STARD13: variants seen among roughly 807,000 people sequenced by gnomAD.
The protein encoded by STARD13 is StAR related lipid transfer domain containing 13.
Under a neutral mutation model 106.4 loss-of-function variants are expected in STARD13, and 62 were observed. The ratio of observed to expected loss-of-function variants is 0.58; its 90% CI spans 0.48 to 0.72. STARD13 has a LOEUF of 0.72. Among genes scored for constraint, STARD13 ranks in the 30% least tolerant of loss-of-function variants. STARD13 has a pLI of 0.00. For missense variants in STARD13, 1,387 were observed against 1,424.0 expected, an observed-to-expected ratio of 0.97 and a Z score of 0.42; for synonymous variants, 565 against 553.0, an observed-to-expected ratio of 1.02 and a Z score of -0.31.
At chr13:33,582,144 C>T in the STARD13 span, among the ~76,000 whole-genome samples, 1 of 151,874 alleles carries the variant, frequency 6.6e-6, no homozygotes, top group African/African-American at 2.4e-5. Flanking sequence ...ATGGCGTGAA[C>T]CCAGCAGGCG....
chr13:33,467,689 G>A, the STARD13 span, among the ~76,000 whole-genome samples: 11 of 152,182 alleles, frequency 7.2e-5, no homozygotes, highest in Non-Finnish European at 1.6e-4. Context: ...CATAGGATGA[G>A]AGAGCTACCA....
At chr13:33,553,620 G>A in the STARD13 span, among the ~76,000 whole-genome samples, 1 of 149,648 alleles carries the variant, frequency 6.7e-6, no homozygotes, top group Admixed American at 6.7e-5. Flanking sequence ...TCACTCTGTG[G>A]CCAGGATGGA....
intron 1 of STARD13, among the ~76,000 whole-genome samples, chr13:33,316,642 C>T (rs1893350953): frequency 6.6e-6 from 1 of 152,206 alleles, no homozygotes; most frequent in African/African-American, 2.4e-5. Context: ...GAACTCAAAG[C>T]TTGTGCTCTT....
intron 1 of STARD13, chr13:33,272,417 T>A (rs1279981922): frequency 6.6e-6 from 1 of 152,210 alleles, no homozygotes; most frequent in African/African-American, 2.4e-5. Context: ...TTGTTACTAC[T>A]TTTTAAAATG....
the STARD13 span, among the ~76,000 whole-genome samples, chr13:33,631,382 G>A: frequency 6.6e-6 from 1 of 152,196 alleles, no homozygotes; most frequent in African/African-American, 2.4e-5. Context: ...CATAAAATCA[G>A]GTAGACATTT....
At chr13:33,131,547 C>T (rs1470287159) in intron 4 of STARD13, among the ~76,000 whole-genome samples, 1 of 152,042 alleles carries the variant, frequency 6.6e-6, no homozygotes, top group Non-Finnish European at 1.5e-5. Flanking sequence ...GGCACCACTG[C>T]ACCCCAGCCG....
chr13:33,594,883 A>G, the STARD13 span, among the ~76,000 whole-genome samples: 19,265 of 152,214 alleles, frequency 0.13, 1,724 homozygotes, highest in East Asian at 0.3. Context: ...CTGTATGTGT[A>G]TACTGCATTT....
intron 1 of STARD13, chr13:33,273,025 G>A (rs1594198847): frequency 6.6e-6 from 1 of 152,304 alleles, no homozygotes; most frequent in East Asian, 1.9e-4. Flanking sequence ...ATTATATCAA[G>A]TCAGTCTCCA....
chr13:33,524,165 C>G, the STARD13 span: 2 of 847,176 alleles, frequency 2.4e-6, no homozygotes, highest in Non-Finnish European at 3.0e-6. Flanking sequence ...CTGTTTTTAC[C>G]TTGGTGAATT....
rs573136882 is a variant in STARD13 at position 33,166,724 on chromosome 13, G to A, written c.241+827C>T. On this transcript the variant is annotated intron_variant, in intron 2 of 13. Transcript: ENST00000336934. ...AAAGAATCAATGAAAAGGCTGGGTG[G>A]TGGCTCACGCCTGTAATCTCAGCAC... 1.9e-4 allele frequency among the ~76,000 whole-genome samples: 29 copies of A among 152,310 alleles called. 1 individual carries two copies. In the South Asian group the frequency reaches 5.8e-3, roughly 30 times the overall value.
chr13:33,282,621 A>G (rs1891847833), intron 1 of STARD13, among the ~76,000 whole-genome samples: 1 of 152,238 alleles, frequency 6.6e-6, no homozygotes, highest in African/African-American at 2.4e-5. Context: ...TCTAAAGTAG[A>G]ATAATGCAAA....
chr13:33,280,964 A>T (rs1037734604), intron 1 of STARD13: 9 of 152,180 alleles, frequency 5.9e-5, no homozygotes, highest in African/African-American at 2.2e-4. Context: ...TCCTTGAGAA[A>T]CTGTAGAACA....
chr13:33,327,954 G>A (rs564298017), intron 1 of STARD13, among the ~76,000 whole-genome samples: 4 of 152,208 alleles, frequency 2.6e-5, no homozygotes, highest in Non-Finnish European at 5.9e-5. Flanking sequence ...AGCTTCAAGT[G>A]TTGCTGAGAT....
chr13:33,339,408 A>G (rs1388979052), intron 1 of STARD13, among the ~76,000 whole-genome samples: 1 of 152,226 alleles, frequency 6.6e-6, no homozygotes, highest in Non-Finnish European at 1.5e-5. Context: ...TGTACAATCT[A>G]TGCTTCTAGC....
chr13:33,575,105 TG>T, the STARD13 span, among the ~76,000 whole-genome samples: 2 of 151,704 alleles, frequency 1.3e-5, no homozygotes, highest in African/African-American at 4.8e-5. Context: ...TTAGTAGAGA[TG>T]GGGGTTTCAC....
the STARD13 span, among the ~76,000 whole-genome samples, chr13:33,499,587 T>TC: frequency 5.0e-4 from 34 of 67,508 alleles, no homozygotes; most frequent in African/African-American, 1.7e-3. Context: ...TTCTTCTTCT[T>TC]CTTCTTCTTC....
intron 1 of STARD13, among the ~76,000 whole-genome samples, chr13:33,233,434 G>A (rs544536286): frequency 6.6e-6 from 1 of 152,308 alleles, no homozygotes; most frequent in African/African-American, 2.4e-5. Flanking sequence ...CAGCCTGACT[G>A]CAGGGAGAGG....
chr13:33,143,492 C>T (rs1880116303), intron 3 of STARD13, among the ~76,000 whole-genome samples: 1 of 152,214 alleles, frequency 6.6e-6, no homozygotes, highest in Non-Finnish European at 1.5e-5. Flanking sequence ...TGAAGACACA[C>T]AATTGGGTTA....
the STARD13 span, among the ~76,000 whole-genome samples, chr13:33,499,523 T>C: frequency 6.4e-3 from 322 of 50,424 alleles, 8 homozygotes; most frequent in Middle Eastern, 0.019. Context: ...TCTTTCTTTC[T>C]TCTTCTTCTT....
Sources: allele counts gnomAD v4.1 joint callset (sites outside exome capture counted in the v4.1 genomes callset), GRCh38; gene constraint gnomAD v4.1.1; transcripts MANE v1.5; gene names NCBI Gene and HGNC (gene_info 2026-07-23, HGNC 2026-07-21).